Variants in OR14I1 observed in about 807,000 individuals in gnomAD.
The protein encoded by OR14I1 is olfactory receptor family 14 subfamily I member 1.
For missense variants in OR14I1, 279 were observed against 181.8 expected (o/e 1.53, Z -3.07); for synonymous variants, 118 against 71.1 (o/e 1.66, Z -3.32).
At chr1:248,684,335 A>T (rs1018866157), upstream of OR14I1, among the ~76,000 whole-genome samples, 2 of 152,258 alleles carry the variant, frequency 1.3e-5, no homozygotes, top group African/African-American at 4.8e-5. Context: ...TAAAGTCTCG[A>T]CAAACATGTG....
the OR14I1 span, among the ~76,000 whole-genome samples, chr1:248,697,442 A>G: frequency 9.0e-3 from 1,348 of 149,486 alleles, 27 homozygotes; most frequent in African/African-American, 0.032. Context: ...AGCATATTGG[A>G]GGAATCTTCA....
chr1:248,686,271 CA>C (rs1368937975), upstream of OR14I1, among the ~76,000 whole-genome samples: 1 of 152,178 alleles, frequency 6.6e-6, no homozygotes, highest in Non-Finnish European at 1.5e-5. Context: ...CCTACAAATA[CA>C]TTTTAATTTC....
the OR14I1 span, among the ~76,000 whole-genome samples, chr1:248,690,217 T>C: frequency 6.6e-6 from 1 of 151,442 alleles, no homozygotes; most frequent in Non-Finnish European, 1.5e-5. Flanking sequence ...AGACAAGAAA[T>C]AACTAAAATC....
the OR14I1 span, among the ~76,000 whole-genome samples, chr1:248,697,947 A>G: frequency 2.0e-5 from 3 of 152,262 alleles, no homozygotes; most frequent in Non-Finnish European, 2.9e-5. Context: ...CTTTAAGAAA[A>G]TACAATACAA....
At chr1:248,693,279 C>T in the OR14I1 span, among the ~76,000 whole-genome samples, 1 of 152,134 alleles carries the variant, frequency 6.6e-6, no homozygotes, top group African/African-American at 2.4e-5. Flanking sequence ...TGATTCACGG[C>T]CAGGAGCATT....
chr1:248,684,345 G>A (rs910204016), upstream of OR14I1, among the ~76,000 whole-genome samples: 2 of 152,230 alleles, frequency 1.3e-5, no homozygotes, highest in Admixed American at 1.3e-4. Context: ...ACAAACATGT[G>A]AAGGGACGAA....
chr1:248,680,266 A>C (rs1661535186), downstream of OR14I1, among the ~76,000 whole-genome samples: 1 of 152,242 alleles, frequency 6.6e-6, no homozygotes, highest in Admixed American at 6.5e-5. Context: ...GAAGAATTAT[A>C]TTTACAGAAT....
chr1:248,680,593 A>G (rs112709342), downstream of OR14I1, among the ~76,000 whole-genome samples: 77 of 152,316 alleles, frequency 5.1e-4, 1 homozygote, highest in Middle Eastern at 6.8e-3. Context: ...AATAATGACA[A>G]TGGCGATGAT....
At chr1:248,681,768 G>A (rs776570127) in exon 1 of OR14I1, 3 of 781,076 alleles carry the variant, frequency 3.8e-6, no homozygotes, top group East Asian at 2.4e-5. Flanking sequence ...ACACATGAGG[G>A]ATGTCACGGA....
downstream of OR14I1, among the ~76,000 whole-genome samples, chr1:248,680,967 C>CGTGTGT (rs34495040): frequency 0.13 from 18,587 of 146,830 alleles, 1,273 homozygotes; most frequent in Admixed American, 0.2. Flanking sequence ...AAACTGTGTG[C>CGTGTGT]GTGTGTGTGT....
At chr1:248,686,312 C>A (rs983573267), upstream of OR14I1, among the ~76,000 whole-genome samples, 1 of 152,158 alleles carries the variant, frequency 6.6e-6, no homozygotes, top group Non-Finnish European at 1.5e-5. Context: ...CTACACTCAA[C>A]AAGATGGCCT....
chr1:248,690,062 G>A, the OR14I1 span, among the ~76,000 whole-genome samples: 2 of 152,126 alleles, frequency 1.3e-5, no homozygotes, highest in African/African-American at 4.8e-5. Flanking sequence ...AGAATTTCCG[G>A]GACACAGCTA....
At chr1:248,697,340 A>C in the OR14I1 span, 26,888 of 152,010 alleles carry the variant, frequency 0.18, 2,832 homozygotes, top group African/African-American at 0.3. Context: ...TGACTCTGTA[A>C]ATATGTCCAA....
At chr1:248,681,344 C>A in exon 1 of OR14I1, 1 of 637,636 alleles carries the variant, frequency 1.6e-6, no homozygotes. Flanking sequence ...TGTTGCAGAT[C>A]TTCTATAGTA....
At chr1:248,691,499 A>G in the OR14I1 span, among the ~76,000 whole-genome samples, 2 of 152,226 alleles carry the variant, frequency 1.3e-5, no homozygotes, top group Non-Finnish European at 2.9e-5. Context: ...GAAGAGGGTG[A>G]GGCACAATAG....
the OR14I1 span, among the ~76,000 whole-genome samples, chr1:248,691,959 C>T: frequency 6.6e-6 from 1 of 152,216 alleles, no homozygotes; most frequent in Admixed American, 6.5e-5. Context: ...CAGGTGCCTC[C>T]AGAGGCCGAG....
the OR14I1 span, among the ~76,000 whole-genome samples, chr1:248,696,323 C>A: frequency 6.6e-6 from 1 of 152,154 alleles, no homozygotes; most frequent in East Asian, 1.9e-4. Context: ...TTTCCCCTTG[C>A]TCTTAATTTT....
the OR14I1 span, among the ~76,000 whole-genome samples, chr1:248,700,837 G>C: frequency 6.6e-6 from 1 of 152,188 alleles, no homozygotes; most frequent in Non-Finnish European, 1.5e-5. Flanking sequence ...AGAGAAGATA[G>C]TGAATTTAAT....
At chr1:248,697,555 C>T in the OR14I1 span, among the ~76,000 whole-genome samples, 3 of 150,980 alleles carry the variant, frequency 2.0e-5, no homozygotes, top group South Asian at 2.1e-4. Context: ...GAGGCTGAGG[C>T]GGGCAGATCA....
Sources: gnomAD v4.1 joint callset for allele counts (sites outside exome capture counted in the v4.1 genomes callset) on GRCh38, gnomAD v4.1.1 for gene constraint, MANE v1.5 for transcripts, NCBI Gene and HGNC (gene_info 2026-07-23, HGNC 2026-07-21) for gene names.